Variants in MTBP observed in about 807,000 individuals in gnomAD.
MTBP encodes the protein mdm2-binding protein.
A neutral mutation model predicts 117.0 loss-of-function variants in MTBP; 101 were observed. The ratio of observed to expected loss-of-function variants is 0.86; its 90% CI spans 0.73 to 1.02. MTBP has a LOEUF of 1.02. MTBP is among the 50% of genes least tolerant of loss of function. The pLI is 0.00. For synonymous variants in MTBP, 350 were observed against 351.5 expected, an observed-to-expected ratio of 1.00 and a Z score of 0.05; for missense variants, 970 against 1,030.9, an observed-to-expected ratio of 0.94 and a Z score of 0.81.
At chr8:120,518,583 CCTGT>C (rs1311585536) in intron 19 of MTBP, 117 bp from the exon 20 acceptor site, 15 of 578,622 alleles carry the variant, frequency 2.6e-5, no homozygotes, top group South Asian at 5.9e-5. Context: ...TCTTAATGAA[CCTGT>C]CTGTCTTTTA....
rs118091064 is a variant in MTBP at position 120,511,759 on chromosome 8, C to T, written c.1979+1730C>T. On this transcript the variant is annotated intron_variant, in intron 17 of 21. Transcript: ENST00000305949. ...ATTATAGAAAAGTTTATAATGAAAA[C>T]CAACAATTCCTTTCCTTATTACTAC... Among the ~76,000 whole-genome samples the T allele has an allele frequency of 7.9e-3, 1,194 of 152,024 alleles. 5 individuals carry two copies. The highest frequency in any genetic ancestry group is 0.012 in the Non-Finnish European group (835 of 67,974).
chr8:120,462,469 A>G (rs961829491), intron 9 of MTBP, among the ~76,000 whole-genome samples: 1 of 152,192 alleles, frequency 6.6e-6, no homozygotes, highest in African/African-American at 2.4e-5. Context: ...AAAGGAATTC[A>G]GGTTCGGGTA....
intron 15 of MTBP, among the ~76,000 whole-genome samples, chr8:120,504,796 A>G (rs1814658469): frequency 6.6e-6 from 1 of 151,264 alleles, no homozygotes; most frequent in East Asian, 1.9e-4. Flanking sequence ...TTTTTTCTTA[A>G]TATTCTATCT....
intron 2 of MTBP, among the ~76,000 whole-genome samples, chr8:120,448,767 C>T (rs1813277572): frequency 6.6e-6 from 1 of 152,154 alleles, no homozygotes; most frequent in Non-Finnish European, 1.5e-5. Flanking sequence ...GCTACAGTAA[C>T]TGGAATTTGT....
chr8:120,481,056 G>A lies in MTBP; in HGVS notation c.1166-7103G>A, dbSNP rs143354303. Among the ~76,000 whole-genome samples the A allele has an allele frequency of 6.6e-5, 10 of 152,198 alleles. 1 individual carries two copies. The highest frequency in any genetic ancestry group is 2.4e-4 in the African/African-American group (10 of 41,528). ...AGACATTTCACCAAAGAAGATACAC[G>A]AATAACTAGTAAACTCCACGAAAAG... On this transcript the variant is annotated intron_variant, in intron 11 of 21. Transcript: ENST00000305949.
chr8:120,450,054 T>G (rs535449703), intron 2 of MTBP, among the ~76,000 whole-genome samples: 40 of 152,166 alleles, frequency 2.6e-4, no homozygotes, highest in Non-Finnish European at 4.4e-4. Flanking sequence ...AGAAATACTT[T>G]GAGAAACACT....
intron 14 of MTBP, among the ~76,000 whole-genome samples, chr8:120,498,291 T>A (rs1259056265): frequency 6.6e-6 from 1 of 152,230 alleles, no homozygotes; most frequent in African/African-American, 2.4e-5. Context: ...TGTAAAACAC[T>A]TAGAACACAA....
chr8:120,480,850 T>TAAA (rs1814067850), intron 11 of MTBP, among the ~76,000 whole-genome samples: 1 of 152,150 alleles, frequency 6.6e-6, no homozygotes, highest in Non-Finnish European at 1.5e-5. Context: ...TAAAGTAGAA[T>TAAA]TCACCAAGGT....
intron 17 of MTBP, among the ~76,000 whole-genome samples, chr8:120,514,122 G>A (rs1301226492): frequency 6.6e-6 from 1 of 151,314 alleles, no homozygotes; most frequent in Non-Finnish European, 1.5e-5. Context: ...AATATAATAA[G>A]ATGTTTTGAT....
In MTBP at chr8:120,518,832, C is replaced by T; in HGVS notation, c.2610+15C>T. ...TCTATCTAAAGGTACGGTATCTTCT[C>T]TACTAATGGCAAAATTTAGTTCATG... On this transcript the variant is annotated intron_variant, in intron 20 of 21. Transcript: ENST00000305949. The T allele has an allele frequency of 6.5e-7, 1 of 1,537,018 alleles. No homozygotes were observed. The highest frequency in any genetic ancestry group is 8.9e-7 in the Non-Finnish European group (1 of 1,126,308).
intron 10 of MTBP, among the ~76,000 whole-genome samples, chr8:120,466,326 C>T (rs1039867278): frequency 6.6e-6 from 1 of 150,864 alleles, no homozygotes; most frequent in Non-Finnish European, 1.5e-5. Context: ...ATTCTCCCGG[C>T]TCAGCCACTC....
chr8:120,480,712 GACTTTT>G lies in MTBP; in HGVS notation c.1166-7441_1166-7436del, dbSNP rs536638814. On this transcript the variant is annotated intron_variant, in intron 11 of 21. Coordinates refer to ENST00000305949, the MANE Select transcript of MTBP (RefSeq NM_022045.5). ...GTATATATATTTATATATGTATTTA[GACTTTT>G]ACTTTAAATGAAAATTAGCTCAAAA... 1.6e-3 allele frequency among the ~76,000 whole-genome samples: 248 copies of G among 152,082 alleles called. 4 individuals carry two copies. The highest frequency in any genetic ancestry group is 4.9e-3 in the African/African-American group (204 of 41,536).
At chr8:120,518,678 T>A in intron 19 of MTBP, 26 bp from the exon 20 acceptor site, 1 of 1,461,188 alleles carries the variant, frequency 6.8e-7, no homozygotes, top group Non-Finnish European at 9.4e-7. Flanking sequence ...CAAGAAATAT[T>A]CGTCATATGT....
At chr8:120,523,193 A>T in intron 21 of MTBP, 105 bp from the exon 22 acceptor site, 2 of 764,524 alleles carry the variant, frequency 2.6e-6, no homozygotes, top group Non-Finnish European at 4.3e-6. Context: ...CTTCCTTTTT[A>T]TTTGAAATTT....
At chr8:120,464,664 G>T (rs1378964053) in intron 10 of MTBP, among the ~76,000 whole-genome samples, 1 of 151,880 alleles carries the variant, frequency 6.6e-6, no homozygotes, top group African/African-American at 2.4e-5. Flanking sequence ...TAAAATTTTG[G>T]CTTCTGGCCT....
At chr8:120,500,685 A>G (rs1346159053) in intron 14 of MTBP, among the ~76,000 whole-genome samples, 1 of 152,232 alleles carries the variant, frequency 6.6e-6, no homozygotes, top group East Asian at 1.9e-4. Context: ...TAAACTATTC[A>G]AGGTTAAATA....
chr8:120,518,856 T>C (rs909939935), intron 20 of MTBP, 39 bp downstream of exon 20: 18 of 1,341,622 alleles, frequency 1.3e-5, no homozygotes, highest in Non-Finnish European at 1.9e-5. Flanking sequence ...ATTTAGTTCA[T>C]GTTCTAATGT....
At chr8:120,495,108 G>A (rs1337790922) in intron 13 of MTBP, among the ~76,000 whole-genome samples, 3 of 151,736 alleles carry the variant, frequency 2.0e-5, no homozygotes, top group Non-Finnish European at 2.9e-5. Context: ...CCTTTGTTTG[G>A]TTGGTGCACT....
At chr8:120,472,408 A>G (rs1813835030) in intron 11 of MTBP, 1 of 152,014 alleles carries the variant, frequency 6.6e-6, no homozygotes, top group African/African-American at 2.4e-5. Flanking sequence ...ATTGCGTAAT[A>G]AGCCACCCCG....
Sources: gnomAD v4.1 joint callset for allele counts (sites outside exome capture counted in the v4.1 genomes callset) on GRCh38, gnomAD v4.1.1 for gene constraint, MANE v1.5 for transcripts, NCBI Gene and HGNC (gene_info 2026-07-23, HGNC 2026-07-21) for gene names.